The following CSMD1 variants were observed in gnomAD, a reference collection of about 807,000 sequenced individuals.
The protein encoded by CSMD1 is CUB and sushi domain-containing protein 1.
Under a neutral mutation model 417.5 loss-of-function variants are expected in CSMD1, and 213 were observed. The observed-to-expected ratio is 0.51, with a 90% CI of 0.46 to 0.57. The LOEUF is 0.57. Among genes scored for constraint, CSMD1 ranks in the 20% least tolerant of loss-of-function variants. The probability of loss-of-function intolerance (pLI) is 0.00; values close to 1 mark genes in which losing one functional copy is unlikely to be tolerated. For missense variants in CSMD1, 6,923 were observed against 4,529.7 expected (o/e 1.53, Z -15.17); for synonymous variants, 2,862 against 1,736.8 (o/e 1.65, Z -16.11).
intron 5 of CSMD1, among the ~76,000 whole-genome samples, chr8:3,970,247 T>G (rs1812989084): frequency 6.6e-6 from 1 of 152,174 alleles, no homozygotes; most frequent in African/African-American, 2.4e-5. Flanking sequence ...TTTAATCAAC[T>G]AAACAGACCA....
chr8:2,963,132 T>G lies in CSMD1; in HGVS notation c.9454+90A>C, dbSNP rs7832045. The G allele has an allele frequency of 9.6e-3, 13,280 of 1,389,740 alleles. 1,027 individuals carry two copies. In the African/African-American group the frequency reaches 0.17, roughly 17 times the overall value. The allele number at this position is 1,389,740 out of a possible 1,614,324, so 86.1% of individuals were successfully genotyped here. A position where few individuals can be genotyped will look rare whatever the true frequency, so the allele number is the denominator to read the frequency against. ...GGGCTATTATTACCCACCAGGAAGG[T>G]CCTCAGATTGTAACCTTAGGATGTG... On this transcript the variant is annotated intron_variant, in intron 60 of 69. Coordinates refer to ENST00000635120, the MANE Select transcript of CSMD1 (RefSeq NM_033225.6).
chr8:3,798,471 A>G (rs1161109781), intron 5 of CSMD1, among the ~76,000 whole-genome samples: 1 of 152,102 alleles, frequency 6.6e-6, no homozygotes, highest in Admixed American at 6.6e-5. Flanking sequence ...CACTTGATTC[A>G]TATCTTGTGG....
chr8:4,914,048 C>T (rs1018101497), intron 1 of CSMD1, among the ~76,000 whole-genome samples: 2 of 152,088 alleles, frequency 1.3e-5, no homozygotes, highest in African/African-American at 4.8e-5. Flanking sequence ...CCTGAAGAAA[C>T]AAATCTTAGT....
chr8:3,838,532 ATAGTCTATATATG>A (rs567556209), intron 5 of CSMD1, among the ~76,000 whole-genome samples: 6 of 131,548 alleles, frequency 4.6e-5, no homozygotes, highest in African/African-American at 6.1e-5. Context: ...GCCTATATAT[ATAGTCTATATATG>A]TACTCTCTGT....
chr8:3,971,469 T>A (rs376309799), intron 5 of CSMD1, among the ~76,000 whole-genome samples: 2 of 152,216 alleles, frequency 1.3e-5, no homozygotes, highest in African/African-American at 4.8e-5. Flanking sequence ...CAATTGCAAG[T>A]TGACAACTTT....
At chr8:4,552,609 G>A (rs1157845708) in intron 2 of CSMD1, among the ~76,000 whole-genome samples, 1 of 151,918 alleles carries the variant, frequency 6.6e-6, no homozygotes, top group Non-Finnish European at 1.5e-5. Context: ...GAATCACAGT[G>A]AGTTTCAATT....
At chr8:4,330,226 TGTCAGATCCACCC>T (rs926009052) in intron 3 of CSMD1, among the ~76,000 whole-genome samples, 1 of 151,978 alleles carries the variant, frequency 6.6e-6, no homozygotes, top group Non-Finnish European at 1.5e-5. Context: ...CAGATCCACC[TGTCAGATCCACCC>T]GTCAGATCCA....
intron 3 of CSMD1, among the ~76,000 whole-genome samples, chr8:4,196,400 G>C (rs1799342770): frequency 2.6e-5 from 4 of 152,200 alleles, no homozygotes; most frequent in African/African-American, 4.8e-5. Flanking sequence ...GGCCTCACTA[G>C]ACAAAAATCA....
intron 1 of CSMD1, among the ~76,000 whole-genome samples, chr8:4,644,286 C>T (rs536008367): frequency 3.9e-5 from 6 of 152,250 alleles, no homozygotes; most frequent in South Asian, 4.1e-4. Flanking sequence ...TCCAGCTACC[C>T]GAAATGAGCT....
intron 25 of CSMD1, among the ~76,000 whole-genome samples, chr8:3,300,444 A>G (rs1191430538): frequency 6.6e-6 from 1 of 152,162 alleles, no homozygotes; most frequent in Non-Finnish European, 1.5e-5. Context: ...TATCCTGCAC[A>G]TAATGAGTGG....
intron 4 of CSMD1, among the ~76,000 whole-genome samples, chr8:4,007,438 G>C (rs1432799360): frequency 6.6e-6 from 1 of 152,158 alleles, no homozygotes; most frequent in Non-Finnish European, 1.5e-5. Context: ...ACCTGCCTGA[G>C]AAGCACATCT....
intron 20 of CSMD1, among the ~76,000 whole-genome samples, chr8:3,360,303 T>C (rs928284196): frequency 6.6e-6 from 1 of 152,232 alleles, no homozygotes; most frequent in Non-Finnish European, 1.5e-5. Flanking sequence ...ATTCAAAATG[T>C]CAGCACTGAT....
intron 1 of CSMD1, among the ~76,000 whole-genome samples, chr8:4,683,186 G>C (rs1265206624): frequency 1.3e-5 from 2 of 151,712 alleles, no homozygotes; most frequent in East Asian, 1.9e-4. Context: ...CTTATTCTAA[G>C]GGTAATATGT....
At chr8:3,910,075 C>T (rs968339296) in intron 5 of CSMD1, among the ~76,000 whole-genome samples, 1 of 152,142 alleles carries the variant, frequency 6.6e-6, no homozygotes, top group African/African-American at 2.4e-5. Context: ...AGACCAGCTG[C>T]TAACATGGCA....
intron 41 of CSMD1, among the ~76,000 whole-genome samples, chr8:3,141,177 G>C (rs980924760): frequency 6.6e-6 from 1 of 152,206 alleles, no homozygotes; most frequent in Non-Finnish European, 1.5e-5. Flanking sequence ...GGGAGAGAGT[G>C]TGTGCAGGTG....
At chr8:3,570,953 T>A (rs1286855274) in intron 10 of CSMD1, among the ~76,000 whole-genome samples, 2 of 152,218 alleles carry the variant, frequency 1.3e-5, no homozygotes, top group Non-Finnish European at 2.9e-5. Flanking sequence ...GAAACTAAAA[T>A]GTGCTATAGG....
At chr8:4,976,399 A>G (rs1375699218) in intron 1 of CSMD1, among the ~76,000 whole-genome samples, 1 of 152,250 alleles carries the variant, frequency 6.6e-6, no homozygotes, top group Admixed American at 6.5e-5. Flanking sequence ...AAATTAATGA[A>G]GGCATTTTAA....
chr8:4,549,450 G>C (rs1797770993), intron 2 of CSMD1, among the ~76,000 whole-genome samples: 1 of 152,010 alleles, frequency 6.6e-6, no homozygotes, highest in African/African-American at 2.4e-5. Context: ...TTTTTTAATT[G>C]ACTCTGTTAA....
intron 3 of CSMD1, among the ~76,000 whole-genome samples, chr8:4,255,670 T>C (rs1041624567): frequency 6.6e-6 from 1 of 152,212 alleles, no homozygotes; most frequent in African/African-American, 2.4e-5. Flanking sequence ...CTAATATGTA[T>C]TACGTGAAGA....
Sources: allele counts gnomAD v4.1 joint callset (sites outside exome capture counted in the v4.1 genomes callset), GRCh38; gene constraint gnomAD v4.1.1; transcripts MANE v1.5; gene names NCBI Gene and HGNC (gene_info 2026-07-23, HGNC 2026-07-21).